Variants in NXPE1 observed in about 807,000 individuals in gnomAD.
NXPE1 encodes the protein neurexophilin and PC-esterase domain family member 1, also known as NXPE family member 1.
A neutral mutation model predicts 33.3 loss-of-function variants in NXPE1; 31 were observed. That is an observed-to-expected ratio of 0.93 (90% CI 0.70 to 1.26). NXPE1 has a LOEUF of 1.26. Among genes scored for constraint, NXPE1 ranks in the 50% most tolerant of loss-of-function variants. The probability of loss-of-function intolerance (pLI) is 0.00; values close to 1 mark genes in which losing one functional copy is unlikely to be tolerated. For missense variants in NXPE1, 661 were observed against 655.6 expected, an observed-to-expected ratio of 1.01 and a Z score of -0.09; for synonymous variants, 229 against 231.4, an observed-to-expected ratio of 0.99 and a Z score of 0.09.
exon 6 of NXPE1, chr11:114,530,834 T>A: frequency 6.2e-7 from 1 of 1,614,174 alleles, no homozygotes; most frequent in Non-Finnish European, 8.5e-7. Context: ...GTATCAGTGA[T>A]GTTTTAGGGA....
Position 114,542,363 on chromosome 11 carries a change from C to T in NXPE1, c.99+8740G>A, listed in dbSNP as rs188198073. ...AATTCAGGGACTATTTTTCCCAGAT[C>T]GTTCCTAAGGAATCTACTAAACAGC... On this transcript the variant is annotated intron_variant, in intron 5 of 8. Transcript: ENST00000534921. Among the ~76,000 whole-genome samples the T allele has an allele frequency of 5.5e-3, 834 of 152,174 alleles. 11 individuals carry two copies. The highest frequency in any genetic ancestry group is 0.018 in the African/African-American group (757 of 41,516).
chr11:114,530,254 A>G, exon 6 of NXPE1: 1 of 1,614,002 alleles, frequency 6.2e-7, no homozygotes, highest in Non-Finnish European at 8.5e-7. Flanking sequence ...AGAGCCTCAC[A>G]GGGCATGTGT....
chr11:114,529,946 G>T (rs1042795506), intron 6 of NXPE1: 13 of 493,094 alleles, frequency 2.6e-5, no homozygotes, highest in African/African-American at 2.3e-4. Flanking sequence ...GAACATCTGT[G>T]AACACATAGA....
At chr11:114,548,905 C>T (rs1309275112) in intron 5 of NXPE1, among the ~76,000 whole-genome samples, 14 of 151,810 alleles carry the variant, frequency 9.2e-5, no homozygotes, top group Admixed American at 6.6e-5. Context: ...AGACAAGCCA[C>T]TAGTGAATCT....
intron 5 of NXPE1, among the ~76,000 whole-genome samples, chr11:114,537,336 C>T (rs558315471): frequency 2.6e-5 from 4 of 152,126 alleles, no homozygotes; most frequent in Non-Finnish European, 5.9e-5. Flanking sequence ...ACTGAATGGA[C>T]AAAAACTGGG....
At chr11:114,530,021 A>T in intron 6 of NXPE1, 154 bp downstream of exon 6, 1 of 713,320 alleles carries the variant, frequency 1.4e-6, no homozygotes, top group Non-Finnish European at 2.3e-6. Flanking sequence ...ACTTTGGCCT[A>T]GAGTGGTGAG....
At chr11:114,540,058 C>T (rs545130557) in intron 5 of NXPE1, among the ~76,000 whole-genome samples, 5 of 152,264 alleles carry the variant, frequency 3.3e-5, no homozygotes, top group South Asian at 2.1e-4. Flanking sequence ...ACCTCCAAAG[C>T]GATTCTCCTG....
intron 7 of NXPE1, among the ~76,000 whole-genome samples, chr11:114,526,901 A>T (rs1264130820): frequency 6.6e-6 from 1 of 152,116 alleles, no homozygotes. Context: ...TAAATCCAGC[A>T]ACACTACCCA....
exon 9 of NXPE1, chr11:114,522,354 G>T (rs1211813432): frequency 2.5e-6 from 4 of 1,614,042 alleles, no homozygotes; most frequent in Non-Finnish European, 3.4e-6. Flanking sequence ...ATTTCCCGAG[G>T]GATATAATCA....
chr11:114,530,286 G>A, exon 6 of NXPE1: 1 of 1,614,156 alleles, frequency 6.2e-7, no homozygotes, highest in African/African-American at 1.3e-5. Flanking sequence ...ACAATAGAAG[G>A]CTTCTTGGTC....
intron 5 of NXPE1, among the ~76,000 whole-genome samples, chr11:114,534,119 C>G (rs539893289): frequency 7.2e-5 from 11 of 152,322 alleles, no homozygotes; most frequent in African/African-American, 2.6e-4. Context: ...GCAGCATTTG[C>G]GGTTAACCAA....
exon 9 of NXPE1, chr11:114,521,832 A>T (rs1047421437): frequency 1.5e-6 from 1 of 666,702 alleles, no homozygotes; most frequent in Non-Finnish European, 2.5e-6. Flanking sequence ...CATTGTCCTT[A>T]CATAGCCTTC....
At chr11:114,551,341 C>G in intron 4 of NXPE1, 42 bp downstream of exon 4, 1 of 1,400,384 alleles carries the variant, frequency 7.1e-7, no homozygotes, top group South Asian at 1.6e-5. Flanking sequence ...TCTTCTTTCC[C>G]TCTGCTAACT....
At chr11:114,531,204 T>C (rs1947568859) in intron 5 of NXPE1, among the ~76,000 whole-genome samples, 1 of 152,150 alleles carries the variant, frequency 6.6e-6, no homozygotes. Context: ...TTTTAGAGAA[T>C]GTCTGAACAG....
intron 1 of NXPE1, among the ~76,000 whole-genome samples, chr11:114,555,594 C>A (rs1948630082): frequency 6.6e-6 from 1 of 152,176 alleles, no homozygotes; most frequent in Admixed American, 6.6e-5. Context: ...GTACCCATCA[C>A]AATCAATAAG....
At chr11:114,552,796 C>T in intron 2 of NXPE1, 56 bp downstream of exon 2, 1 of 749,190 alleles carries the variant, frequency 1.3e-6, no homozygotes, top group Non-Finnish European at 1.6e-6. Flanking sequence ...ATCTTAGATT[C>T]TCAATCTCCT....
chr11:114,531,575 TG>T (rs1450302966), intron 5 of NXPE1, among the ~76,000 whole-genome samples: 4 of 152,188 alleles, frequency 2.6e-5, no homozygotes, highest in Non-Finnish European at 5.9e-5. Context: ...TTGTAATTCT[TG>T]GGTAAAATCC....
In NXPE1 at chr11:114,550,013, C is replaced by T. The variant is rs75893225; in HGVS notation, c.99+1090G>A. On this transcript the variant is annotated intron_variant, in intron 5 of 8. Coordinates refer to ENST00000534921, the Ensembl canonical transcript of NXPE1. ...AATACTTAAGTGTACATTTAGCACA[C>T]GTGTCCAAGATTTATATGAGGAAAA... Among the ~76,000 whole-genome samples, 9 of 151,976 alleles carry T rather than the reference C, an allele frequency of 5.9e-5. No individual in the cohort carries two copies. In the East Asian group the frequency reaches 9.6e-4, roughly 16 times the overall value.
At chr11:114,551,434 C>T (rs1948478942) in exon 4 of NXPE1, 2 of 1,268,762 alleles carry the variant, frequency 1.6e-6, no homozygotes, top group Non-Finnish European at 2.0e-6. Context: ...CTTCCTCCTT[C>T]CAGGACCCTG....
Sources: allele counts gnomAD v4.1 joint callset (sites outside exome capture counted in the v4.1 genomes callset), GRCh38; gene constraint gnomAD v4.1.1; transcripts MANE v1.5; gene names NCBI Gene and HGNC (gene_info 2026-07-23, HGNC 2026-07-21).